NOVA1: variants seen among roughly 807,000 people sequenced by gnomAD.
The protein encoded by NOVA1 is RNA-binding protein Nova-1.
Under a neutral mutation model 38.0 loss-of-function variants are expected in NOVA1, and 7 were observed. The observed-to-expected ratio is 0.18, with a 90% CI of 0.10 to 0.35. The LOEUF (loss-of-function observed/expected upper bound fraction) is 0.35. Ranked by LOEUF, NOVA1 falls within the 10% of genes least tolerant of loss-of-function variation. The pLI is 1.00. For synonymous variants in NOVA1, 270 were observed against 232.5 expected (o/e 1.16, Z -1.47); for missense variants, 460 against 616.0 (o/e 0.75, Z 2.68).
chr14:26,566,774 T>A (rs1433656083), intron 2 of NOVA1, among the ~76,000 whole-genome samples: 1 of 152,160 alleles, frequency 6.6e-6, no homozygotes, highest in African/African-American at 2.4e-5. Context: ...ATAAAAATTG[T>A]GGAAAAACGG....
intron 2 of NOVA1, among the ~76,000 whole-genome samples, chr14:26,578,389 T>C (rs1892997430): frequency 6.6e-6 from 1 of 151,868 alleles, no homozygotes; most frequent in Admixed American, 6.6e-5. Flanking sequence ...GAACAGTGTA[T>C]TTGTAGGTAA....
intron 2 of NOVA1, among the ~76,000 whole-genome samples, chr14:26,535,377 T>C (rs1328926516): frequency 6.6e-6 from 1 of 152,096 alleles, no homozygotes; most frequent in Non-Finnish European, 1.5e-5. Context: ...GGCAAAATAA[T>C]TTTAAGTTTG....
chr14:26,450,786 A>G (rs1032779656), intron 4 of NOVA1, among the ~76,000 whole-genome samples: 3 of 152,176 alleles, frequency 2.0e-5, no homozygotes, highest in Admixed American at 6.5e-5. Context: ...TCCCATACAC[A>G]TGAAATACTG....
At chr14:26,568,134 A>G (rs1237361054) in intron 2 of NOVA1, among the ~76,000 whole-genome samples, 3 of 152,238 alleles carry the variant, frequency 2.0e-5, no homozygotes, top group Admixed American at 2.0e-4. Flanking sequence ...AATGTTTTAC[A>G]GTAGGTTTTT....
chr14:26,515,272 AAT>A (rs1219758457), intron 2 of NOVA1, among the ~76,000 whole-genome samples: 2 of 151,936 alleles, frequency 1.3e-5, no homozygotes, highest in Non-Finnish European at 2.9e-5. Context: ...GGAATTGTGC[AAT>A]ATGATTGCTC....
At chr14:26,475,639 G>A (rs963140551) in intron 3 of NOVA1, among the ~76,000 whole-genome samples, 9 of 152,102 alleles carry the variant, frequency 5.9e-5, no homozygotes, top group Admixed American at 1.3e-4. Context: ...TTGAATGGCT[G>A]TTTAATAATT....
intron 2 of NOVA1, among the ~76,000 whole-genome samples, chr14:26,569,592 C>T (rs1215255382): frequency 6.6e-6 from 1 of 152,092 alleles, no homozygotes; most frequent in Non-Finnish European, 1.5e-5. Flanking sequence ...ATCTTACTTG[C>T]TTTATCTAGA....
chr14:26,455,962 A>T (rs1216726311), intron 4 of NOVA1, among the ~76,000 whole-genome samples: 2 of 152,040 alleles, frequency 1.3e-5, no homozygotes, highest in African/African-American at 4.8e-5. Context: ...TTGAGGTTAT[A>T]CTGATGAAAG....
intron 2 of NOVA1, among the ~76,000 whole-genome samples, chr14:26,548,621 AATG>A (rs1401226771): frequency 6.6e-6 from 1 of 152,184 alleles, no homozygotes; most frequent in African/African-American, 2.4e-5. Flanking sequence ...AGCTGTTTCT[AATG>A]ATATTTCTCT....
chr14:26,516,194 T>C (rs1305290393), intron 2 of NOVA1, among the ~76,000 whole-genome samples: 1 of 152,214 alleles, frequency 6.6e-6, no homozygotes, highest in African/African-American at 2.4e-5. Context: ...ATATCCTCTT[T>C]TGTGAAATTC....
intron 2 of NOVA1, among the ~76,000 whole-genome samples, chr14:26,583,881 TCACACA>T (rs36218600): frequency 0.034 from 4,909 of 146,000 alleles, 234 homozygotes; most frequent in African/African-American, 0.1. Flanking sequence ...AGCATCAAAT[TCACACA>T]CACACACACA....
intron 2 of NOVA1, among the ~76,000 whole-genome samples, chr14:26,531,434 C>G (rs1889700476): frequency 6.6e-6 from 1 of 152,036 alleles, no homozygotes; most frequent in South Asian, 2.1e-4. Context: ...ATGAACAAAC[C>G]CCGTCTCTAC....
At chr14:26,507,953 A>T (rs1197113721) in intron 2 of NOVA1, among the ~76,000 whole-genome samples, 2 of 152,126 alleles carry the variant, frequency 1.3e-5, no homozygotes, top group Admixed American at 1.3e-4. Context: ...TGTCCTAAAC[A>T]AGACCATAAG....
intron 2 of NOVA1, among the ~76,000 whole-genome samples, chr14:26,545,117 G>C (rs995082296): frequency 6.6e-6 from 1 of 152,030 alleles, no homozygotes; most frequent in African/African-American, 2.4e-5. Context: ...AAACTCTTAA[G>C]TAGTGGAGGA....
chr14:26,591,281 G>A (rs377058084), intron 2 of NOVA1, among the ~76,000 whole-genome samples: 3 of 151,784 alleles, frequency 2.0e-5, no homozygotes, highest in South Asian at 2.1e-4. Context: ...AATAGGTAGT[G>A]TGTCAAATAA....
intron 4 of NOVA1, among the ~76,000 whole-genome samples, chr14:26,455,640 A>C (rs2138584855): frequency 6.6e-6 from 1 of 152,152 alleles, no homozygotes; most frequent in South Asian, 2.1e-4. Flanking sequence ...AACATTATTC[A>C]AAATTTAAAG....
intron 4 of NOVA1, among the ~76,000 whole-genome samples, chr14:26,461,186 C>T (rs559506674): frequency 6.6e-6 from 1 of 152,246 alleles, no homozygotes; most frequent in East Asian, 1.9e-4. Flanking sequence ...ATGCATTTTA[C>T]CAATGCCTGA....
chr14:26,573,794 T>G (rs964064552), intron 2 of NOVA1, among the ~76,000 whole-genome samples: 1 of 152,100 alleles, frequency 6.6e-6, no homozygotes, highest in Non-Finnish European at 1.5e-5. Flanking sequence ...AATGTAAAGC[T>G]AATCAGAAAT....
rs1360029590 is a variant in NOVA1, at chr14:26,444,408, G to C, written c.*3551C>G. 1.3e-5 allele frequency: 2 copies of C among 152,104 alleles called. No homozygotes were observed. The highest frequency in any genetic ancestry group is 4.8e-5 in the African/African-American group (2 of 41,418). The allele number at this position is 152,104 out of a possible 1,614,324, so 9.4% of individuals were successfully genotyped here. A position where few individuals can be genotyped will look rare whatever the true frequency, so the allele number is the denominator to read the frequency against. ...TATAATACAGGACTTGCTAACCTCT[G>C]TTAACCATCTGAATGCGATGGAATA... On this transcript the variant is annotated 3_prime_UTR_variant, in exon 5 of 5. Transcript: ENST00000539517.
Sources: allele counts gnomAD v4.1 joint callset (sites outside exome capture counted in the v4.1 genomes callset), GRCh38; gene constraint gnomAD v4.1.1; transcripts MANE v1.5; gene names NCBI Gene and HGNC (gene_info 2026-07-23, HGNC 2026-07-21).